The following ERI3 variants were observed in gnomAD, a reference collection of about 807,000 sequenced individuals.
ERI3 encodes the protein ERI1 exoribonuclease family member 3.
A neutral mutation model predicts 44.4 loss-of-function variants in ERI3; 18 were observed. The observed-to-expected ratio is 0.41, with a 90% CI of 0.28 to 0.60. The LOEUF (loss-of-function observed/expected upper bound fraction) is 0.60. ERI3 is among the 20% of genes least tolerant of loss of function. The pLI, the probability that ERI3 is intolerant of heterozygous loss-of-function variation, is 0.36. For missense variants in ERI3, 294 were observed against 435.5 expected (o/e 0.68, Z 2.89); for synonymous variants, 183 against 164.8 (o/e 1.11, Z -0.84).
At chr1:44,258,153 G>T (rs1056573290) in intron 7 of ERI3, among the ~76,000 whole-genome samples, 4 of 152,208 alleles carry the variant, frequency 2.6e-5, no homozygotes, top group Non-Finnish European at 5.9e-5. Context: ...TCCTCAGTAA[G>T]GGGCAGGCAT....
At chr1:44,238,668 T>A (rs909350730) in intron 8 of ERI3, among the ~76,000 whole-genome samples, 1 of 152,024 alleles carries the variant, frequency 6.6e-6, no homozygotes, top group Non-Finnish European at 1.5e-5. Flanking sequence ...GAGAGCCTCC[T>A]CTCCCCTTCC....
chr1:44,247,599 T>TG (rs1383057906), intron 8 of ERI3, among the ~76,000 whole-genome samples: 1 of 152,114 alleles, frequency 6.6e-6, no homozygotes, highest in Non-Finnish European at 1.5e-5. Flanking sequence ...TCCAGCTCCA[T>TG]GGGGGGTGGG....
At chr1:44,281,648 GAT>G (rs1162393992) in intron 7 of ERI3, among the ~76,000 whole-genome samples, 4 of 145,912 alleles carry the variant, frequency 2.7e-5, no homozygotes, top group Non-Finnish European at 4.5e-5. Context: ...TCGATGAAGA[GAT>G]ATATATATGT....
Position 44,339,466 on chromosome 1 carries a change from C to T in ERI3, c.212-144G>A, listed in dbSNP as rs1029937256. The T allele has an allele frequency of 3.5e-6, 3 of 856,470 alleles. No individual in the cohort carries two copies. In the African/African-American group the frequency reaches 5.2e-5, roughly 15 times the overall value. 53.1% of individuals were successfully genotyped at this position (856,470 alleles called of 1,614,324 possible). A position where few individuals can be genotyped will look rare whatever the true frequency, so the allele number is the denominator to read the frequency against. On this transcript the variant is annotated intron_variant, in intron 2 of 8. Coordinates refer to ENST00000372257, the MANE Select transcript of ERI3 (RefSeq NM_024066.3). ...ATATCCACGCAACATGGGCCACTCC[C>T]CAGTGTTTCTGGGCCCCTTTTCTAA...
At chr1:44,306,346 G>A (rs1645831833) in intron 6 of ERI3, among the ~76,000 whole-genome samples, 1 of 152,194 alleles carries the variant, frequency 6.6e-6, no homozygotes, top group African/African-American at 2.4e-5. Context: ...GGGGTTTTTG[G>A]TTTGTTTCAT....
At chr1:44,350,041 A>C (rs1646858298) in intron 2 of ERI3, among the ~76,000 whole-genome samples, 1 of 152,190 alleles carries the variant, frequency 6.6e-6, no homozygotes, top group Non-Finnish European at 1.5e-5. Context: ...TGTCTGGAAG[A>C]GGCCATCAGT....
chr1:44,264,633 G>A (rs931361003), intron 7 of ERI3, among the ~76,000 whole-genome samples: 3 of 152,150 alleles, frequency 2.0e-5, no homozygotes, highest in East Asian at 3.8e-4. Context: ...TGCCAGCATC[G>A]AGGACAAGGA....
At chr1:44,308,984 G>C (rs1023620925) in intron 5 of ERI3, among the ~76,000 whole-genome samples, 4 of 152,184 alleles carry the variant, frequency 2.6e-5, no homozygotes, top group Admixed American at 2.6e-4. Flanking sequence ...GTTGCTAAAA[G>C]TTCAAAACTG....
At chr1:44,287,603 G>A (rs1645420820) in intron 6 of ERI3, among the ~76,000 whole-genome samples, 1 of 152,244 alleles carries the variant, frequency 6.6e-6, no homozygotes, top group Non-Finnish European at 1.5e-5. Flanking sequence ...GGGGTATCCA[G>A]ATAGATGTGC....
At chr1:44,294,864 C>G (rs1243705726) in intron 6 of ERI3, among the ~76,000 whole-genome samples, 2 of 152,232 alleles carry the variant, frequency 1.3e-5, no homozygotes, top group African/African-American at 4.8e-5. Flanking sequence ...GCCATCTTGA[C>G]CCTATGCCTG....
intron 6 of ERI3, among the ~76,000 whole-genome samples, chr1:44,291,419 A>C (rs1038126925): frequency 6.6e-6 from 1 of 152,228 alleles, no homozygotes; most frequent in Non-Finnish European, 1.5e-5. Context: ...AGCACTGCCC[A>C]GGTGGCCTGG....
intron 5 of ERI3, among the ~76,000 whole-genome samples, chr1:44,311,444 G>A (rs980305985): frequency 2.6e-5 from 4 of 152,094 alleles, no homozygotes; most frequent in South Asian, 2.1e-4. Flanking sequence ...AGCAGAGCCC[G>A]GTCCGGTCTC....
chr1:44,334,002 A>T (rs891948973), intron 3 of ERI3, among the ~76,000 whole-genome samples: 3 of 152,246 alleles, frequency 2.0e-5, no homozygotes, highest in Admixed American at 1.3e-4. Context: ...ATTTTTCTCC[A>T]AAGTTATGGG....
At chr1:44,352,392 C>T (rs1349455639) in intron 2 of ERI3, among the ~76,000 whole-genome samples, 1 of 151,496 alleles carries the variant, frequency 6.6e-6, no homozygotes, top group East Asian at 1.9e-4. Flanking sequence ...GCATGGGCAA[C>T]CTAGCAAGGT....
chr1:44,283,271 C>A (rs1572183256), intron 7 of ERI3, among the ~76,000 whole-genome samples: 1 of 152,222 alleles, frequency 6.6e-6, no homozygotes, highest in South Asian at 2.1e-4. Flanking sequence ...TGAGCACATA[C>A]TCTATACCCA....
chr1:44,294,004 G>A (rs1006014852), intron 6 of ERI3, among the ~76,000 whole-genome samples: 5 of 152,222 alleles, frequency 3.3e-5, no homozygotes, highest in South Asian at 2.1e-4. Flanking sequence ...CACAGGACAT[G>A]GCTGCAGGCA....
At chr1:44,259,920 T>TAGATAGACAGACAGACAGAC (rs778936296) in intron 7 of ERI3, among the ~76,000 whole-genome samples, 44 of 129,740 alleles carry the variant, frequency 3.4e-4, no homozygotes, top group African/African-American at 1.0e-3. Context: ...GATAGATAGA[T>TAGATAGACAGACAGACAGAC]AGACAGACAG....
intron 7 of ERI3, among the ~76,000 whole-genome samples, chr1:44,250,021 C>T (rs1206660659): frequency 1.3e-5 from 2 of 152,064 alleles, no homozygotes; most frequent in Admixed American, 1.3e-4. Flanking sequence ...TGTGTTTACT[C>T]AAGCAAAGAA....
chr1:44,343,222 C>G (rs1356504222), intron 2 of ERI3, among the ~76,000 whole-genome samples: 5 of 151,972 alleles, frequency 3.3e-5, no homozygotes, highest in Non-Finnish European at 5.9e-5. Context: ...GATTATAATG[C>G]ACTGAATAGA....
Sources: gnomAD v4.1 joint callset for allele counts (sites outside exome capture counted in the v4.1 genomes callset) on GRCh38, gnomAD v4.1.1 for gene constraint, MANE v1.5 for transcripts, NCBI Gene and HGNC (gene_info 2026-07-23, HGNC 2026-07-21) for gene names.